MTA1: variants seen among roughly 807,000 people sequenced by gnomAD.
MTA1 encodes the protein metastasis associated 1, also known as metastasis-associated protein MTA1.
Under a neutral mutation model 97.0 loss-of-function variants are expected in MTA1, and 15 were observed. The observed-to-expected ratio is 0.15, with a 90% CI of 0.10 to 0.24. The LOEUF (loss-of-function observed/expected upper bound fraction) is 0.24, where lower values mean the gene tolerates loss of function less well. Ranked by LOEUF, MTA1 falls within the 10% of genes least tolerant of loss-of-function variation. MTA1 has a pLI of 1.00. For missense variants in MTA1, 709 were observed against 1,015.1 expected (o/e 0.70, Z 4.10); for synonymous variants, 435 against 417.5 (o/e 1.04, Z -0.51).
At chr14:105,445,782 C>T (rs1365879191) in intron 3 of MTA1, 6 of 580,408 alleles carry the variant, frequency 1.0e-5, no homozygotes, top group Middle Eastern at 2.7e-4. Flanking sequence ...CATGGTGTGG[C>T]TGGGTGTGGG....
intron 6 of MTA1, among the ~76,000 whole-genome samples, chr14:105,450,950 C>T (rs967199711): frequency 5.3e-5 from 8 of 152,192 alleles, no homozygotes; most frequent in African/African-American, 1.9e-4. Context: ...GGGGCAAAAG[C>T]GTCTGGAGTG....
chr14:105,435,463 T>A (rs587619045), intron 1 of MTA1, among the ~76,000 whole-genome samples: 1 of 152,076 alleles, frequency 6.6e-6, no homozygotes, highest in East Asian at 1.9e-4. Context: ...TAAAAATAAT[T>A]TTTTTTTAGA....
In MTA1 at chr14:105,457,928, A is replaced by AAAT. The variant is rs587603915; in HGVS notation, c.551-319_551-317dup. On this transcript the variant is annotated intron_variant, in intron 7 of 20. Coordinates refer to ENST00000331320, the MANE Select transcript of MTA1 (RefSeq NM_004689.4). ...CGACAGAGTGAGACTCCGTCTCAAA[A>AAAT]AATAATAATAATAATAATAATAATA... is the stretch of plus-strand genomic sequence containing the variant. 4.7e-3 allele frequency among the ~76,000 whole-genome samples: 712 copies of AAAT among 150,686 alleles called. 5 individuals are homozygous for AAAT. Among genetic ancestry groups the AAAT allele is most frequent in the African/African-American group, 0.014 (594 of 41,198 alleles).
At position 105,465,116 on chromosome 14, in the gene MTA1, C is replaced by T. The variant is rs1555432338; in HGVS notation, c.1557C>T (p.Ala519=). The T allele has an allele frequency of 1.3e-6, 2 of 1,521,734 alleles. No homozygotes were observed. Among genetic ancestry groups the T allele is most frequent in the African/African-American group, 1.4e-5 (1 of 72,578 alleles). 94.3% of individuals were successfully genotyped at this position (1,521,734 alleles called of 1,614,324 possible). Residue 519 remains alanine, a synonymous_variant, in exon 16 of 21, where the codon GCC becomes GCT. Transcript: ENST00000331320. ...KAECTARLPE[A]SQSPLVLKQA... ...CAGGCACGGCGCGGCTGCCCGAAGC[C>T]TCCCAGAGCCCGCTGGTGCTGAAGC...
Position 105,464,704 on chromosome 14 carries a change from G to A in MTA1, c.1375G>A (p.Gly459Arg), listed in dbSNP as rs960530953. The change falls in exon 15 of 21, where the codon GGG becomes AGG. Residue 459 changes from glycine to arginine, a missense_variant. Gly to Arg is a moderately radical substitution (Grantham distance 125). Transcript: ENST00000331320. Reference sequence around the variant, plus strand: ...CCACGGCCTCCCAGCCCGGAGCAGCGGGAGCCCCAAGTTTGCCATGAAGAC... The same window carrying A: ...CCACGGCCTCCCAGCCCGGAGCAGCAGGAGCCCCAAGTTTGCCATGAAGAC... The part of the protein sequence containing the change: ...SPHGLPARSS[G>R]SPKFAMKTRQ... 3.1e-6 allele frequency: 5 copies of A among 1,605,992 alleles called. No individual in the cohort carries two copies. The highest frequency in any genetic ancestry group is 2.6e-6 in the Non-Finnish European group (3 of 1,175,068).
chr14:105,427,492 T>A (rs1173578761), intron 1 of MTA1, among the ~76,000 whole-genome samples: 10 of 151,922 alleles, frequency 6.6e-5, no homozygotes, highest in African/African-American at 2.4e-4. Context: ...CCCACGTGAG[T>A]TCAGTGTCGG....
intron 1 of MTA1, among the ~76,000 whole-genome samples, chr14:105,436,737 G>T (rs1555424469): frequency 6.6e-6 from 1 of 152,126 alleles, no homozygotes; most frequent in African/African-American, 2.4e-5. Flanking sequence ...CCCATTTTTT[G>T]GCAAGTTTGA....
At position 105,420,100 on chromosome 14, in the gene MTA1, GCCCGCA is replaced by G; in HGVS notation, c.28+38_28+43del. The G allele has an allele frequency of 2.8e-6, 2 of 719,718 alleles. No homozygotes were observed. The highest frequency in any genetic ancestry group is 3.4e-6 in the Non-Finnish European group (2 of 589,078). The allele number at this position is 719,718 out of a possible 1,614,324, so 44.6% of individuals were successfully genotyped here. A position where few individuals can be genotyped will look rare whatever the true frequency, so the allele number is the denominator to read the frequency against. ...CCGCCTTTATGCCCGGCCCCGACCC[GCCCGCA>G]GCCCCCACCCGCCGCCGCTGCCGCC... On this transcript the variant is annotated intron_variant, in intron 1 of 20. Transcript: ENST00000331320. The surrounding 1 kb of genome is among the most constrained non-coding windows in gnomAD (Gnocchi z 5.3).
chr14:105,455,199 C>T (rs1457182500), intron 7 of MTA1, among the ~76,000 whole-genome samples: 1 of 152,238 alleles, frequency 6.6e-6, no homozygotes, highest in Non-Finnish European at 1.5e-5. Flanking sequence ...AGCCACTGCA[C>T]CTGGCCTCAT....
chr14:105,421,035 C>T (rs1555420769), intron 1 of MTA1, among the ~76,000 whole-genome samples: 2 of 152,218 alleles, frequency 1.3e-5, no homozygotes, highest in African/African-American at 4.8e-5. Flanking sequence ...GCCCAGAACA[C>T]TCTGTGTCTC....
intron 4 of MTA1, 29 bp from the exon 5 acceptor site, chr14:105,450,017 TGCGTCTGCCGCG>T (rs1555428167): frequency 6.2e-7 from 1 of 1,612,326 alleles, no homozygotes; most frequent in Non-Finnish European, 8.5e-7. Flanking sequence ...TCTGGCAGTG[TGCGTCTGCCGCG>T]GTGCTGACAG....
chr14:105,436,902 C>A (rs1476510944), intron 1 of MTA1, among the ~76,000 whole-genome samples: 1 of 152,250 alleles, frequency 6.6e-6, no homozygotes, highest in Non-Finnish European at 1.5e-5. Context: ...GTTTTCACAG[C>A]GTTGCACAAG....
intron 2 of MTA1, among the ~76,000 whole-genome samples, chr14:105,443,785 A>G (rs1314693729): frequency 6.6e-6 from 1 of 152,222 alleles, no homozygotes; most frequent in Non-Finnish European, 1.5e-5. Context: ...CGTCTCTACA[A>G]AAAATTTAAA....
At chr14:105,466,886 A>G (rs1308938075) in intron 18 of MTA1, 144 bp downstream of exon 18, 1 of 805,250 alleles carries the variant, frequency 1.2e-6, no homozygotes, top group Non-Finnish European at 1.9e-6. Flanking sequence ...AGTTCCCCAC[A>G]TTCCTCCCGA....
At chr14:105,445,571 C>A in intron 3 of MTA1, 60 bp downstream of exon 3, 1 of 1,562,828 alleles carries the variant, frequency 6.4e-7, no homozygotes, top group South Asian at 1.1e-5. Context: ...GGAGGGCTGG[C>A]GGGGTCCTTC....
At chr14:105,468,200 G>A (rs587621270) in intron 18 of MTA1, 15 of 899,804 alleles carry the variant, frequency 1.7e-5, no homozygotes, top group Middle Eastern at 2.8e-4. Context: ...CACAGCACGG[G>A]GCCCCAGCGC....
intron 3 of MTA1, chr14:105,449,123 C>G (rs1415558338): frequency 2.0e-6 from 1 of 500,358 alleles, no homozygotes; most frequent in East Asian, 3.4e-5. Flanking sequence ...CACAGCCAGG[C>G]TTGTCTGGGC....
chr14:105,470,033 G>C, intron 20 of MTA1, 32 bp from the exon 21 acceptor site: 1 of 1,612,558 alleles, frequency 6.2e-7, no homozygotes, highest in Non-Finnish European at 8.5e-7. Context: ...TCCGCACAGC[G>C]TCCCGGCCCT....
intron 1 of MTA1, among the ~76,000 whole-genome samples, chr14:105,435,183 G>T (rs1555424138): frequency 6.6e-6 from 1 of 152,128 alleles, no homozygotes; most frequent in African/African-American, 2.4e-5. Context: ...GTATGTGTTG[G>T]ATTTTTTCAG....
Sources: gnomAD v4.1 joint callset for allele counts (sites outside exome capture counted in the v4.1 genomes callset) on GRCh38, gnomAD v4.1.1 for gene constraint, Gnocchi (gnomAD v3.1) non-coding constraint, MANE v1.5 for transcripts, NCBI Gene and HGNC (gene_info 2026-07-23, HGNC 2026-07-21) for gene names.